The following LY9 variants were observed in gnomAD, a reference collection of about 807,000 sequenced individuals.
The protein encoded by LY9 is lymphocyte antigen 9.
A neutral mutation model predicts 64.6 loss-of-function variants in LY9; 59 were observed. The observed-to-expected ratio is 0.91, with a 90% CI of 0.74 to 1.13. The LOEUF (loss-of-function observed/expected upper bound fraction) is 1.13, where lower values mean the gene tolerates loss of function less well. LY9 is among the 50% of genes most tolerant of loss of function. The pLI, the probability that LY9 is intolerant of heterozygous loss-of-function variation, is 0.00. For missense variants in LY9, 789 were observed against 797.2 expected (o/e 0.99, Z 0.12); for synonymous variants, 281 against 308.5 (o/e 0.91, Z 0.93).
At chr1:160,800,171 A>T in intron 2 of LY9, 89 bp downstream of exon 2, 1 of 939,570 alleles carries the variant, frequency 1.1e-6, no homozygotes, top group Admixed American at 2.4e-5. Flanking sequence ...TGTTATATGT[A>T]TATAGTGCAT....
At chr1:160,802,425 G>T in intron 2 of LY9, 1 of 986,390 alleles carries the variant, frequency 1.0e-6, no homozygotes, top group Non-Finnish European at 1.2e-6. Flanking sequence ...CACTCCCCGA[G>T]GAGCTGGGAT....
At chr1:160,821,793 T>C (rs1006066575) in intron 7 of LY9, among the ~76,000 whole-genome samples, 4 of 152,016 alleles carry the variant, frequency 2.6e-5, no homozygotes, top group South Asian at 2.1e-4. Flanking sequence ...TTTCACTCAG[T>C]ATTGAGCGAA....
At chr1:160,803,250 C>A (rs935745839) in intron 2 of LY9, among the ~76,000 whole-genome samples, 6 of 151,958 alleles carry the variant, frequency 3.9e-5, no homozygotes, top group Non-Finnish European at 7.4e-5. Context: ...CCACTGAATG[C>A]CAGCCTGGGT....
intron 2 of LY9, 91 bp from the exon 3 acceptor site, chr1:160,813,545 C>T: frequency 1.5e-6 from 2 of 1,343,834 alleles, no homozygotes; most frequent in East Asian, 2.3e-5. Flanking sequence ...CTCTGCTGCC[C>T]CCAACTCCCC....
chr1:160,803,212 G>A (rs943298625), intron 2 of LY9, among the ~76,000 whole-genome samples: 1 of 152,118 alleles, frequency 6.6e-6, no homozygotes, highest in Non-Finnish European at 1.5e-5. Flanking sequence ...AATCTGGGAG[G>A]CAGAGGTTGC....
Position 160,799,782 on chromosome 1 carries a change from C to G in LY9, c.154C>G (p.Pro52Ala), listed in dbSNP as rs746934716. The change falls in exon 2 of 10, where the codon CCA becomes GCA. Residue 52 changes from proline to alanine, a missense_variant. Physicochemically the swap from Pro to Ala is conservative, Grantham distance 27. Coordinates refer to ENST00000263285, the MANE Select transcript of LY9 (RefSeq NM_002348.4). The stretch of plus-strand genomic sequence containing the variant: ...AAGAGCCTCTGGAAAGGACTCAGCC[C>G]CAACAGTGGTGTCAGGGATCCTAGG... ...GLRASGKDSA[P>A]TVVSGILGGS... 6.2e-7 allele frequency: 1 copy of G among 1,613,808 alleles called. No homozygotes were observed. Among genetic ancestry groups the G allele is most frequent in the South Asian group, 1.1e-5 (1 of 91,054 alleles).
intron 7 of LY9, among the ~76,000 whole-genome samples, chr1:160,821,725 TC>T (rs1307842459): frequency 1.3e-5 from 2 of 152,200 alleles, no homozygotes; most frequent in Non-Finnish European, 1.5e-5. Flanking sequence ...ACCCTAGCTC[TC>T]CTCCTTATGA....
At position 160,828,022 on chromosome 1, in the gene LY9, C is replaced by T. The variant is rs534937742; in HGVS notation, c.*206C>T. ...TTCAGACACAGGCTCCTTCTTGGAG[C>T]CTATGGGCTTCAGATGTCTTTGCCC... On this transcript the variant is annotated 3_prime_UTR_variant, in exon 10 of 10. Transcript: ENST00000263285. The T allele has an allele frequency of 7.5e-6, 3 of 402,188 alleles. No individual in the cohort carries two copies. Among genetic ancestry groups the T allele is most frequent in the East Asian group, 8.3e-5 (2 of 24,132 alleles). The allele number at this position is 402,188 out of a possible 1,614,324, so 24.9% of individuals were successfully genotyped here.
intron 1 of LY9, chr1:160,799,333 A>C (rs11265486): frequency 0.024 from 3,895 of 162,812 alleles, 176 homozygotes; most frequent in African/African-American, 0.088. Flanking sequence ...CATATTTTTA[A>C]AAATATGCTC....
chr1:160,821,158 A>AAAAAAACAAACAAAC (rs1553192065), intron 7 of LY9, among the ~76,000 whole-genome samples: 1 of 150,398 alleles, frequency 6.6e-6, no homozygotes, highest in Admixed American at 6.6e-5. Flanking sequence ...TGCTAAAAAA[A>AAAAAAACAAACAAAC]AAAAAAAAAA....
Position 160,816,580 on chromosome 1 carries a change from C to T in LY9, c.1073-14C>T. Reference sequence around the variant, plus strand: ...AGGCCTGATTCCACATGGAGTCTGCCTCTCTCCTCACAGGCAGGCTGAGGA... The same window carrying T: ...AGGCCTGATTCCACATGGAGTCTGCTTCTCTCCTCACAGGCAGGCTGAGGA... On this transcript the variant is annotated splice_polypyrimidine_tract_variant and intron_variant, in intron 4 of 9. Transcript: ENST00000263285. The T allele has an allele frequency of 1.3e-6, 2 of 1,577,616 alleles. No homozygotes were observed. The highest frequency in any genetic ancestry group is 1.7e-6 in the Non-Finnish European group (2 of 1,159,416).
chr1:160,808,209 C>T (rs980652844), intron 2 of LY9, among the ~76,000 whole-genome samples: 2 of 152,208 alleles, frequency 1.3e-5, no homozygotes, highest in African/African-American at 4.8e-5. Flanking sequence ...GTCACAGCAG[C>T]ATTCACTTCC....
intron 2 of LY9, chr1:160,802,021 T>A (rs1666538275): frequency 2.0e-6 from 3 of 1,484,010 alleles, no homozygotes; most frequent in East Asian, 4.9e-5. Flanking sequence ...CCAGGCCCAG[T>A]GCCACTGCCC....
chr1:160,811,442 T>C (rs991760167), intron 2 of LY9: 1 of 152,202 alleles, frequency 6.6e-6, no homozygotes, highest in Admixed American at 6.5e-5. Context: ...ATAGGTGACA[T>C]TTTTTCAAAG....
At chr1:160,800,473 TTTAAC>T (rs753301357) in intron 2 of LY9, among the ~76,000 whole-genome samples, 5 of 152,234 alleles carry the variant, frequency 3.3e-5, no homozygotes, top group Non-Finnish European at 2.9e-5. Context: ...GCCTAGCTTA[TTTAAC>T]TTAAGATAAT....
intron 2 of LY9, chr1:160,800,330 A>C: frequency 7.4e-6 from 3 of 403,520 alleles, no homozygotes; most frequent in Non-Finnish European, 9.0e-6. Flanking sequence ...TCTCTTCATC[A>C]TCCCCCCACC....
chr1:160,806,831 T>C (rs1305634895), intron 2 of LY9, among the ~76,000 whole-genome samples: 3 of 152,224 alleles, frequency 2.0e-5, no homozygotes, highest in Non-Finnish European at 4.4e-5. Flanking sequence ...CAGCTCTTTG[T>C]CTCTTTGCCC....
At chr1:160,805,884 T>G (rs1272130687) in intron 2 of LY9, among the ~76,000 whole-genome samples, 7 of 151,810 alleles carry the variant, frequency 4.6e-5, no homozygotes, top group African/African-American at 1.7e-4. Flanking sequence ...CTTGCTGGAT[T>G]GATCCCTTCA....
At chr1:160,813,509 C>A in intron 2 of LY9, 127 bp from the exon 3 acceptor site, 1 of 857,976 alleles carries the variant, frequency 1.2e-6, no homozygotes, top group Non-Finnish European at 1.8e-6. Flanking sequence ...GAGAAGATGT[C>A]CCTGCGACAG....
Sources: allele counts gnomAD v4.1 joint callset (sites outside exome capture counted in the v4.1 genomes callset), GRCh38; gene constraint gnomAD v4.1.1; transcripts MANE v1.5; gene names NCBI Gene and HGNC (gene_info 2026-07-23, HGNC 2026-07-21).